The following HINT3 variants were observed in gnomAD, a reference collection of about 807,000 sequenced individuals.
HINT3 encodes the protein adenosine 5'-monophosphoramidase HINT3.
HINT3 carries 16 observed loss-of-function variants against 19.1 expected under a neutral mutation model. That is an observed-to-expected ratio of 0.84 (90% CI 0.57 to 1.27). The LOEUF (loss-of-function observed/expected upper bound fraction) is 1.27, where lower values mean the gene tolerates loss of function less well. HINT3 is among the 50% of genes most tolerant of loss of function. HINT3 has a pLI of 0.00. For missense variants in HINT3, 197 were observed against 225.8 expected (o/e 0.87, Z 0.82); for synonymous variants, 75 against 84.8 (o/e 0.88, Z 0.63).
intron 1 of HINT3, among the ~76,000 whole-genome samples, chr6:125,958,299 A>G (rs1328581052): frequency 6.6e-6 from 1 of 152,210 alleles, no homozygotes; most frequent in Non-Finnish European, 1.5e-5. Context: ...GCGAGGCTGG[A>G]GAGGTAAACA....
Position 125,972,260 on chromosome 6 carries a change from T to C in HINT3, c.321T>C (p.Val107=). The change falls in exon 3 of 5, where the codon GTT becomes GTC. Residue 107 remains valine (V), a splice_region_variant and synonymous_variant. Transcript: ENST00000229633. ...RTLRKDQVEL[V]ENMVTVGKTI... ...TGTTGTGTCTTTTCTGTTTTACAGT[T>C]GAGAACATGGTAACTGTTGGAAAAA... The C allele has an allele frequency of 1.3e-6, 2 of 1,566,382 alleles. No homozygotes were observed. Among genetic ancestry groups the C allele is most frequent in the African/African-American group, 1.4e-5 (1 of 72,238 alleles).
Position 125,973,786 on chromosome 6 carries a change from A to G in HINT3, c.390-1061A>G, listed in dbSNP as rs191650374. On this transcript the variant is annotated intron_variant, in intron 3 of 4. Transcript: ENST00000229633. ...TAGAAGAATGAACACTGGACAAAGA[A>G]TTGAGAGCCCTGAGTCTCAACTCCA... Among the ~76,000 whole-genome samples, 257 of 152,360 alleles carry G rather than the reference A, an allele frequency of 1.7e-3. 1 individual carries two copies. Among genetic ancestry groups the G allele is most frequent in the Non-Finnish European group, 3.0e-3 (207 of 68,036 alleles).
rs1349529753 is a variant in HINT3, at chr6:125,977,871, G to A, written c.*195G>A. On this transcript the variant is annotated 3_prime_UTR_variant, in exon 5 of 5. Transcript: ENST00000229633. ...TATGTGAATATTTTGTTACTGACTT[G>A]TTTCAATGGTTACTTGTATAAGGAT... is the stretch of plus-strand genomic sequence containing the variant. The A allele has an allele frequency of 5.0e-6, 2 of 398,376 alleles. No homozygotes were observed. The highest frequency in any genetic ancestry group is 4.1e-5 in the African/African-American group (2 of 48,194). 24.7% of individuals were successfully genotyped at this position (398,376 alleles called of 1,614,324 possible). A position where few individuals can be genotyped will look rare whatever the true frequency, so the allele number is the denominator to read the frequency against.
chr6:125,970,996 A>C lies in HINT3; in HGVS notation c.320-1263A>C, dbSNP rs1241611652. Among the ~76,000 whole-genome samples, 3 of 152,334 alleles carry C rather than the reference A, an allele frequency of 2.0e-5. No homozygotes were observed. The East Asian group carries it at 5.8e-4, about 29-fold the overall frequency. On this transcript the variant is annotated intron_variant, in intron 2 of 4. Coordinates refer to ENST00000229633, the MANE Select transcript of HINT3 (RefSeq NM_138571.5). ...AGTAAACATTAACAATGATTTTGTA[A>C]GTCTCAATATATCAGCTATCCTCTG...
chr6:125,960,229 T>C (rs1788898852), intron 1 of HINT3, among the ~76,000 whole-genome samples: 1 of 152,210 alleles, frequency 6.6e-6, no homozygotes, highest in Admixed American at 6.5e-5. Context: ...GTCATACCAG[T>C]CTGCTTAGTT....
At chr6:125,974,822 A>T (rs775536519) in intron 3 of HINT3, 25 bp from the exon 4 acceptor site, 1 of 1,600,038 alleles carries the variant, frequency 6.2e-7, no homozygotes, top group Non-Finnish European at 8.5e-7. Context: ...TGGTTTGTCA[A>T]TCATCTCTTT....
At position 125,979,911 on chromosome 6, in the gene HINT3, G is replaced by C. The variant is rs573838474; in HGVS notation, c.*2235G>C. 9 of 152,366 alleles carry C rather than the reference G, an allele frequency of 5.9e-5. No homozygotes were observed. Among genetic ancestry groups the C allele is most frequent in the African/African-American group, 2.2e-4 (9 of 41,524 alleles). 9.4% of individuals were successfully genotyped at this position (152,366 alleles called of 1,614,324 possible). ...TCCGAGATCAGACGAGATCGGGCGC[G>C]TTCAGGGTGGTATGGCCGTAGACAA... On this transcript the variant is annotated 3_prime_UTR_variant, in exon 5 of 5. Coordinates refer to ENST00000229633, the MANE Select transcript of HINT3 (RefSeq NM_138571.5).
At chr6:125,971,702 CTT>C (rs142105115) in intron 2 of HINT3, among the ~76,000 whole-genome samples, 5 of 59,616 alleles carry the variant, frequency 8.4e-5, no homozygotes, top group African/African-American at 3.1e-4. Flanking sequence ...GCCTGGCTAC[CTT>C]TTTTTTTTTT....
At chr6:125,973,038 G>A (rs1055759786) in intron 3 of HINT3, among the ~76,000 whole-genome samples, 2 of 142,006 alleles carry the variant, frequency 1.4e-5, no homozygotes, top group African/African-American at 2.6e-5. Flanking sequence ...GAACTCTGGC[G>A]TAAGCACATG....
chr6:125,969,283 T>G (rs1488966663), intron 2 of HINT3, among the ~76,000 whole-genome samples: 1 of 152,222 alleles, frequency 6.6e-6, no homozygotes, highest in Non-Finnish European at 1.5e-5. Flanking sequence ...ATTTCTTATA[T>G]TTGTCAACTT....
Position 125,957,188 on chromosome 6 carries a change from G to A in HINT3, c.201+10G>A, listed in dbSNP as rs571860570. On this transcript the variant is annotated intron_variant, in intron 1 of 4. Coordinates refer to ENST00000229633, the MANE Select transcript of HINT3 (RefSeq NM_138571.5). ...ACTCCTGCACTGCGAGGTGGGCGGC[G>A]ACGCGCGGCCGGGGGTGGGTGAGGA... 1.4e-5 allele frequency: 22 copies of A among 1,540,838 alleles called. No individual in the cohort carries two copies. In the African/African-American group the frequency reaches 2.9e-4, roughly 20 times the overall value.
chr6:125,958,442 A>G (rs1457330062), intron 1 of HINT3, among the ~76,000 whole-genome samples: 1 of 152,140 alleles, frequency 6.6e-6, no homozygotes, highest in Non-Finnish European at 1.5e-5. Context: ...AAGGGGGTTG[A>G]TCTTTGAAAG....
Position 125,980,183 on chromosome 6 carries a change from T to C in HINT3, c.*2507T>C, listed in dbSNP as rs1789230563. The C allele has an allele frequency of 6.6e-6, 1 of 152,240 alleles. No homozygotes were observed. 9.4% of individuals were successfully genotyped at this position (152,240 alleles called of 1,614,324 possible). A position where few individuals can be genotyped will look rare whatever the true frequency, so the allele number is the denominator to read the frequency against. On this transcript the variant is annotated 3_prime_UTR_variant, in exon 5 of 5. Transcript: ENST00000229633. ...TGTTGTGATACTATTTGTGGAACTGTTTAATGAGCTATTTCAAACTGCTAG... is the reference window on the plus strand; with the variant it reads ...TGTTGTGATACTATTTGTGGAACTGCTTAATGAGCTATTTCAAACTGCTAG...
intron 2 of HINT3, among the ~76,000 whole-genome samples, chr6:125,967,958 C>T (rs573145462): frequency 6.6e-6 from 1 of 152,262 alleles, no homozygotes; most frequent in East Asian, 1.9e-4. Context: ...TCAAATCTGC[C>T]TTTAAAAAAG....
chr6:125,962,275 CATATATAT>C, intron 1 of HINT3, among the ~76,000 whole-genome samples: 1 of 9,574 alleles, frequency 1.0e-4, no homozygotes, highest in East Asian at 5.6e-3. Flanking sequence ...TATATACATA[CATATATAT>C]ATACACATAT....
At chr6:125,962,163 C>T (rs62426369) in intron 1 of HINT3, among the ~76,000 whole-genome samples, 532 of 11,080 alleles carry the variant, frequency 0.048, 38 homozygotes, top group East Asian at 0.36. Context: ...TATATATACA[C>T]ATATATATAT....
chr6:125,966,803 T>G, intron 1 of HINT3, 84 bp from the exon 2 acceptor site: 1 of 838,842 alleles, frequency 1.2e-6, no homozygotes, highest in Non-Finnish European at 1.9e-6. Flanking sequence ...CCTGTCAGAC[T>G]GAGATTAATG....
At chr6:125,971,147 A>C (rs1789091392) in intron 2 of HINT3, among the ~76,000 whole-genome samples, 1 of 152,208 alleles carries the variant, frequency 6.6e-6, no homozygotes, top group Admixed American at 6.5e-5. Flanking sequence ...GGACAGGTTT[A>C]TTCCCACCTG....
Position 125,979,449 on chromosome 6 carries a change from A to C in HINT3, c.*1773A>C, listed in dbSNP as rs375441068. ...TTGCAGTGATATAATTGACAACATT[A>C]TTTAACAATAATAGGTAAAGTAGGC... On this transcript the variant is annotated 3_prime_UTR_variant, in exon 5 of 5. Transcript: ENST00000229633. 25 of 152,348 alleles carry C rather than the reference A, an allele frequency of 1.6e-4. No individual in the cohort carries two copies. The highest frequency in any genetic ancestry group is 3.4e-3 in the Middle Eastern group (1 of 294). 9.4% of individuals were successfully genotyped at this position (152,348 alleles called of 1,614,324 possible). A position where few individuals can be genotyped will look rare whatever the true frequency, so the allele number is the denominator to read the frequency against.
Sources: allele counts gnomAD v4.1 joint callset (sites outside exome capture counted in the v4.1 genomes callset), GRCh38; gene constraint gnomAD v4.1.1; transcripts MANE v1.5; gene names NCBI Gene and HGNC (gene_info 2026-07-23, HGNC 2026-07-21).